The following VWF variants were observed in gnomAD, a reference collection of about 807,000 sequenced individuals.
VWF encodes von Willebrand factor.
Under a neutral mutation model 308.6 loss-of-function variants are expected in VWF, and 176 were observed. That is an observed-to-expected ratio of 0.57 (90% CI 0.50 to 0.65). The LOEUF (loss-of-function observed/expected upper bound fraction) is 0.65. VWF is among the 30% of genes least tolerant of loss of function. The pLI is 0.00. For synonymous variants in VWF, 1,385 were observed against 1,443.4 expected (o/e 0.96, Z 0.92); for missense variants, 3,146 against 3,648.2 (o/e 0.86, Z 3.55).
At chr12:6,076,019 T>C (rs1452391115) in intron 6 of VWF, among the ~76,000 whole-genome samples, 1 of 152,002 alleles carries the variant, frequency 6.6e-6, no homozygotes, top group Non-Finnish European at 1.5e-5. Context: ...GATTTCTGGG[T>C]CTCACCCTAG....
At chr12:6,013,456 G>T (rs1278472687) in intron 32 of VWF, 25 bp downstream of exon 32, 2 of 1,613,784 alleles carry the variant, frequency 1.2e-6, no homozygotes, top group East Asian at 2.2e-5. Context: ...TTTGAGGGAA[G>T]TAAGAAAGGT....
chr12:6,012,260 GGTTAACA>G (rs1379266099), intron 32 of VWF, 130 bp from the exon 33 acceptor site: 1 of 1,004,574 alleles, frequency 1.0e-6, no homozygotes, highest in African/African-American at 1.6e-5. Context: ...ATCTGAACAA[GGTTAACA>G]GTGGAGACAT....
intron 35 of VWF, among the ~76,000 whole-genome samples, chr12:5,994,938 C>T (rs1012601264): frequency 1.3e-5 from 2 of 152,076 alleles, no homozygotes; most frequent in Non-Finnish European, 2.9e-5. Flanking sequence ...CTGGGAAAGT[C>T]GCCTTATTGC....
intron 6 of VWF, among the ~76,000 whole-genome samples, chr12:6,076,876 C>T (rs1944850778): frequency 6.6e-6 from 1 of 152,234 alleles, no homozygotes; most frequent in Admixed American, 6.5e-5. Context: ...GAATAGAAAC[C>T]TGACCCCATC....
At position 5,996,059 on chromosome 12, in the gene VWF, C is replaced by T; in HGVS notation, c.6006G>A (p.Met2002Ile). ...CACTGTGCTTCACCTCGATGGATTT[C>T]ATGCAGCCCTGCCTTGCTCCAGGGC... The part of the protein sequence containing the change: ...ACSPGARQGC[M>I]KSIEVKHSAL... The change falls in exon 35 of 52, where the codon ATG becomes ATA. Residue 2002 changes from methionine to isoleucine, a missense_variant. Transcript: ENST00000261405. 6 of 1,613,972 alleles carry T rather than the reference C, an allele frequency of 3.7e-6. No homozygotes were observed. Among genetic ancestry groups the T allele is most frequent in the Non-Finnish European group, 5.1e-6 (6 of 1,180,026 alleles).
At chr12:5,991,684 T>C (rs1192796541) in intron 38 of VWF, 135 bp downstream of exon 38, 3 of 898,080 alleles carry the variant, frequency 3.3e-6, no homozygotes, top group Admixed American at 3.8e-5. Flanking sequence ...CAATACTGCC[T>C]CCCTATCCCT....
At position 5,969,388 on chromosome 12, in the gene VWF, C is replaced by T. The variant is rs61751293; in HGVS notation, c.7552G>A (p.Gly2518Ser). 1.1e-5 allele frequency: 17 copies of T among 1,614,082 alleles called. No homozygotes were observed. The highest frequency in any genetic ancestry group is 1.6e-4 in the Middle Eastern group (1 of 6,084). Residue 2518 changes from glycine to serine, a missense_variant, in exon 45 of 52, where the codon GGC (glycine) becomes AGC (serine). Transcript: ENST00000261405. ...TTCTCCGGGGAGGCCCACTGGGAGCCGACCTGCAGGGCACCAGAGTTAGTC... is the reference window on the plus strand; with the variant it reads ...TTCTCCGGGGAGGCCCACTGGGAGCTGACCTGCAGGGCACCAGAGTTAGTC... ...GDSQSSWKSVGSQWASPENPC... is the reference protein window; with the variant it reads ...GDSQSSWKSVSSQWASPENPC...
In VWF at chr12:5,983,401, G is replaced by GGATAGATAGATAAATA. The variant is rs1943631355; in HGVS notation, c.6977-148_6977-147insTATTTATCTATCTATC. The GGATAGATAGATAAATA allele has an allele frequency of 6.4e-6, 3 of 465,946 alleles. No homozygotes were observed. The Admixed American group carries it at 9.4e-5, about 15-fold the overall frequency. The allele number at this position is 465,946 out of a possible 1,614,324, so 28.9% of individuals were successfully genotyped here. A position where few individuals can be genotyped will look rare whatever the true frequency, so the allele number is the denominator to read the frequency against. The stretch of plus-strand genomic sequence containing the variant: ...ATGGAGACAGAGATTACATGGGTTA[G>GGATAGATAGATAAATA]GATAGATAGATAGATAGATAGATAG... On this transcript the variant is annotated intron_variant, in intron 40 of 51. Coordinates refer to ENST00000261405, the MANE Select transcript of VWF (RefSeq NM_000552.5).
At chr12:6,114,104 G>A (rs138271361) in intron 3 of VWF, among the ~76,000 whole-genome samples, 31 of 152,238 alleles carry the variant, frequency 2.0e-4, no homozygotes, top group African/African-American at 7.0e-4. Flanking sequence ...TGTCACCTCC[G>A]AGCCAAAGGC....
intron 37 of VWF, among the ~76,000 whole-genome samples, chr12:5,993,148 A>G (rs1027458559): frequency 6.6e-6 from 1 of 152,170 alleles, no homozygotes; most frequent in Non-Finnish European, 1.5e-5. Flanking sequence ...TCTAACAGGC[A>G]TGTACATATT....
intron 18 of VWF, among the ~76,000 whole-genome samples, chr12:6,043,268 A>G (rs1944412556): frequency 6.6e-6 from 1 of 152,236 alleles, no homozygotes; most frequent in South Asian, 2.1e-4. Flanking sequence ...TCCTTCACAC[A>G]CTGCAATCCC....
intron 43 of VWF, among the ~76,000 whole-genome samples, chr12:5,972,796 C>A (rs967904481): frequency 8.5e-5 from 13 of 152,064 alleles, no homozygotes; most frequent in African/African-American, 2.9e-4. Context: ...AATTAGGATG[C>A]CTCAATCTGT....
At chr12:5,972,952 T>C (rs1372419374) in intron 43 of VWF, among the ~76,000 whole-genome samples, 3 of 152,168 alleles carry the variant, frequency 2.0e-5, no homozygotes, top group African/African-American at 7.2e-5. Context: ...CTCGTACGCC[T>C]CTCTAGAAGG....
At chr12:6,101,985 T>C (rs901587270) in intron 5 of VWF, among the ~76,000 whole-genome samples, 11 of 151,606 alleles carry the variant, frequency 7.3e-5, no homozygotes, top group Non-Finnish European at 1.3e-4. Context: ...AGACAGAACA[T>C]GACATTTATG....
rs1328350286 is a variant in VWF, at chr12:6,110,451, T to C, written c.455A>G (p.Asp152Gly). Residue 152 changes from aspartate (D) to glycine (G), a missense_variant, in exon 5 of 52, where the codon GAC becomes GGC. Coordinates refer to ENST00000261405, the MANE Select transcript of VWF (RefSeq NM_000552.5). Reference protein sequence around the residue: ...GSGNFQVLLSDRYFNKTCGLC... With the variant: ...GSGNFQVLLSGRYFNKTCGLC... ...CCCGCAGGTCTTGTTGAAGTATCTG[T>C]CTGACAGCAGGACTTGAAAGTTGCC... is the stretch of plus-strand genomic sequence containing the variant. The C allele has an allele frequency of 6.2e-7, 1 of 1,614,102 alleles. No individual in the cohort carries two copies. Among genetic ancestry groups the C allele is most frequent in the Non-Finnish European group, 8.5e-7 (1 of 1,180,050 alleles).
intron 40 of VWF, 99 bp from the exon 41 acceptor site, chr12:5,983,353 A>C (rs1242989874): frequency 8.3e-7 from 1 of 1,200,692 alleles, no homozygotes; most frequent in Non-Finnish European, 1.2e-6. Context: ...GCAGACTTCT[A>C]CTGTTTTAGG....
chr12:6,079,596 T>C (rs993308700), intron 6 of VWF, among the ~76,000 whole-genome samples: 3 of 146,056 alleles, frequency 2.1e-5, no homozygotes, highest in Non-Finnish European at 3.0e-5. Flanking sequence ...GGCGACAGAG[T>C]GAGACTCTGT....
At chr12:6,093,229 T>G (rs575053805) in intron 6 of VWF, among the ~76,000 whole-genome samples, 20 of 152,126 alleles carry the variant, frequency 1.3e-4, no homozygotes, top group Admixed American at 4.6e-4. Flanking sequence ...GGGCACAGCG[T>G]AGGTGCCCAT....
chr12:5,972,480 G>A (rs1219805498), intron 43 of VWF, among the ~76,000 whole-genome samples: 3 of 152,228 alleles, frequency 2.0e-5, no homozygotes, highest in African/African-American at 7.2e-5. Flanking sequence ...TCTTGGAGCT[G>A]TGTCCTTAAG....
Sources: allele counts gnomAD v4.1 joint callset (sites outside exome capture counted in the v4.1 genomes callset), GRCh38; gene constraint gnomAD v4.1.1; transcripts MANE v1.5; gene names NCBI Gene and HGNC (gene_info 2026-07-23, HGNC 2026-07-21).